Variants in HERC2 observed in about 807,000 individuals in gnomAD.
HERC2 encodes E3 ubiquitin-protein ligase HERC2.
Under a neutral mutation model 537.7 loss-of-function variants are expected in HERC2, and 102 were observed. That is an observed-to-expected ratio of 0.19 (90% CI 0.16 to 0.22). The LOEUF is 0.22. Among genes scored for constraint, HERC2 ranks in the 10% least tolerant of loss-of-function variants. The pLI is 1.00. For missense variants in HERC2, 4,236 were observed against 6,198.2 expected, an observed-to-expected ratio of 0.68 and a Z score of 10.63; for synonymous variants, 2,224 against 2,466.2, an observed-to-expected ratio of 0.90 and a Z score of 2.91.
chr15:28,186,743 A>G lies in HERC2; in HGVS notation c.8659T>C (p.Tyr2887His). ...CACTGCTTTATAGCAATTTCAATAT[A>G]CCTGTGATACTAGACACAAAAACCA... The part of the protein sequence containing the change: ...LLNDCTEYHR[Y>H]IEIAIKQCRS... Residue 2887 changes from tyrosine (Y) to histidine (H), a missense_variant, in exon 56 of 93, where the codon TAT (tyrosine) becomes CAT (histidine). By Grantham distance (83) the Tyr-to-His change is moderately conservative. This residue lies in a region of HERC2 where 606 missense variants were observed against 884.5 expected (regional missense o/e 0.69). Transcript: ENST00000261609. 1 of 1,612,340 alleles carries G rather than the reference A, an allele frequency of 6.2e-7. No individual in the cohort carries two copies. Among genetic ancestry groups the G allele is most frequent in the Non-Finnish European group, 8.5e-7 (1 of 1,178,516 alleles).
At chr15:28,132,316 A>T in intron 80 of HERC2, 55 bp from the exon 81 acceptor site, 1 of 1,504,844 alleles carries the variant, frequency 6.6e-7, no homozygotes, top group Non-Finnish European at 9.0e-7. Context: ...GGCTTGCCAC[A>T]GGACTGGCTT....
intron 70 of HERC2, among the ~76,000 whole-genome samples, chr15:28,147,464 A>C (rs1268202174): frequency 6.7e-6 from 1 of 150,272 alleles, no homozygotes; most frequent in Non-Finnish European, 1.5e-5. Flanking sequence ...ATTTTATTAT[A>C]TATTATATAT....
chr15:28,273,255 A>C (rs1236063891), intron 7 of HERC2: 2 of 542,662 alleles, frequency 3.7e-6, no homozygotes, highest in Admixed American at 3.3e-5. Context: ...TACTCCATGT[A>C]TATGAAGCAT....
chr15:28,246,071 A>G lies in HERC2; in HGVS notation c.3392-5T>C, dbSNP rs758547189. The G allele has an allele frequency of 4.1e-5, 63 of 1,554,866 alleles. No individual in the cohort carries two copies. Among genetic ancestry groups the G allele is most frequent in the Non-Finnish European group, 5.1e-5 (58 of 1,139,110 alleles). ...CTAGTTCTGGAAGGAGAACACCTAC[A>G]TTTAAGAAATAATAAGATTTAAATA... On this transcript the variant is annotated splice_region_variant and splice_polypyrimidine_tract_variant and intron_variant, in intron 22 of 92. Coordinates refer to ENST00000261609, the MANE Select transcript of HERC2 (RefSeq NM_004667.6).
intron 4 of HERC2, among the ~76,000 whole-genome samples, chr15:28,282,146 C>A (rs58138907): frequency 0.019 from 2,955 of 152,242 alleles, 95 homozygotes; most frequent in African/African-American, 0.067. Context: ...AAGTGGGAAG[C>A]CTGGACTTCG....
chr15:28,270,990 C>T (rs2075711146), intron 9 of HERC2, 122 bp from the exon 10 acceptor site: 7 of 746,294 alleles, frequency 9.4e-6, no homozygotes. Flanking sequence ...ATGACAATGT[C>T]AATGATACAG....
intron 16 of HERC2, among the ~76,000 whole-genome samples, chr15:28,259,275 T>C (rs2075353448): frequency 6.6e-6 from 1 of 151,934 alleles, no homozygotes; most frequent in Non-Finnish European, 1.5e-5. Flanking sequence ...TTTGTATTTT[T>C]AGTAGAAACA....
In HERC2 at chr15:28,268,384, C is replaced by T. The variant is rs1165442934; in HGVS notation, c.1598+81G>A. 7.4e-7 allele frequency: 1 copy of T among 1,357,000 alleles called. No homozygotes were observed. The highest frequency in any genetic ancestry group is 1.0e-6 in the Non-Finnish European group (1 of 974,738). 84.1% of individuals were successfully genotyped at this position (1,357,000 alleles called of 1,614,324 possible). On this transcript the variant is annotated intron_variant, in intron 12 of 92. Coordinates refer to ENST00000261609, the MANE Select transcript of HERC2 (RefSeq NM_004667.6). This position sits in a 1 kb window ranked among gnomAD's most constrained non-coding sequence, Gnocchi z 4.7. ...TCAGGGCAATTGGAAAACACCTGGACACACTTCTGCGCTCCATCCTGTTTA... is the reference window on the plus strand; with the variant it reads ...TCAGGGCAATTGGAAAACACCTGGATACACTTCTGCGCTCCATCCTGTTTA...
At chr15:28,201,616 G>C (rs1206001123) in intron 47 of HERC2, 62 bp from the exon 48 acceptor site, 3 of 1,003,228 alleles carry the variant, frequency 3.0e-6, no homozygotes, top group African/African-American at 3.2e-5. Context: ...TACTCAAAAA[G>C]AAATAAGTCT....
intron 70 of HERC2, 48 bp downstream of exon 70, chr15:28,152,629 C>T (rs1471942021): frequency 6.1e-6 from 9 of 1,466,426 alleles, no homozygotes; most frequent in South Asian, 2.7e-5. Context: ...TCACATCATT[C>T]TGAAGGTGGG....
intron 74 of HERC2, 85 bp from the exon 75 acceptor site, chr15:28,143,037 T>C: frequency 7.3e-7 from 1 of 1,369,110 alleles, no homozygotes; most frequent in South Asian, 1.3e-5. Context: ...AAATGTTTTA[T>C]TATGTTGGTA....
intron 78 of HERC2, 52 bp from the exon 79 acceptor site, chr15:28,135,744 TA>T (rs1202185003): frequency 7.8e-7 from 1 of 1,283,680 alleles, no homozygotes; most frequent in Non-Finnish European, 1.1e-6. Flanking sequence ...CAATATCCCC[TA>T]AATTTACTAA....
intron 56 of HERC2, among the ~76,000 whole-genome samples, chr15:28,183,450 T>A (rs1566980876): frequency 6.6e-6 from 1 of 152,154 alleles, no homozygotes; most frequent in African/African-American, 2.4e-5. Context: ...TGGGCTCAAG[T>A]GATCCTCCCT....
chr15:28,176,346 G>T lies in HERC2; in HGVS notation c.9686+82C>A, dbSNP rs565981795. On this transcript the variant is annotated intron_variant, in intron 63 of 92. Coordinates refer to ENST00000261609, the MANE Select transcript of HERC2 (RefSeq NM_004667.6). This position sits in a 1 kb window ranked among gnomAD's most constrained non-coding sequence, Gnocchi z 5.0. ...AAAGAGGACACGTCACAATCACGCC[G>T]GGTGAGCCTGGGGCGAGGCCCAGGT... The T allele has an allele frequency of 7.6e-6, 10 of 1,307,548 alleles. No individual in the cohort carries two copies. Among genetic ancestry groups the T allele is most frequent in the African/African-American group, 4.4e-5 (3 of 68,608 alleles). The allele number at this position is 1,307,548 out of a possible 1,614,324, so 81.0% of individuals were successfully genotyped here.
intron 30 of HERC2, among the ~76,000 whole-genome samples, chr15:28,232,551 GAA>G (rs58995112): frequency 2.6e-5 from 3 of 115,146 alleles, no homozygotes; most frequent in African/African-American, 3.0e-5. Flanking sequence ...CCATCTCAAA[GAA>G]AAAAAAAAAA....
chr15:28,293,527 A>G (rs897686916), intron 3 of HERC2, among the ~76,000 whole-genome samples: 13 of 151,800 alleles, frequency 8.6e-5, no homozygotes, highest in African/African-American at 3.1e-4. Context: ...CAATATAACA[A>G]ATTATTTAAA....
At chr15:28,112,974 C>A in intron 92 of HERC2, 97 bp downstream of exon 92, 2 of 909,428 alleles carry the variant, frequency 2.2e-6, no homozygotes, top group Admixed American at 2.5e-5. Flanking sequence ...ACTCAAGAGG[C>A]TCGTTTTCCA....
At chr15:28,124,806 T>G (rs960459983) in intron 84 of HERC2, among the ~76,000 whole-genome samples, 200 bp downstream of exon 84, 1 of 152,216 alleles carries the variant, frequency 6.6e-6, no homozygotes, top group Non-Finnish European at 1.5e-5. Flanking sequence ...CACCTTGGCC[T>G]CCCAAAGTGT....
chr15:28,135,624 T>C lies in HERC2; in HGVS notation c.12084A>G (p.Pro4028=). Residue 4028 remains proline (P), a synonymous_variant, in exon 79 of 93, where the codon CCA becomes CCG. Transcript: ENST00000261609. ...GIGGTESVST[P]TLLESIQHVF... is the part of the protein sequence containing the mutation. ...CATGCTGAATGGATTCAAGCAATGT[T>C]GGGGTGGACACCGACTCTGTCCCTC... The C allele has an allele frequency of 6.2e-7, 1 of 1,614,158 alleles. No homozygotes were observed. Among genetic ancestry groups the C allele is most frequent in the East Asian group, 2.2e-5 (1 of 44,888 alleles).
Sources: gnomAD v4.1 joint callset for allele counts (sites outside exome capture counted in the v4.1 genomes callset) on GRCh38, gnomAD v4.1.1 for gene constraint, gnomAD v4.1.1 regional missense constraint, Gnocchi (gnomAD v3.1) non-coding constraint, MANE v1.5 for transcripts, NCBI Gene and HGNC (gene_info 2026-07-23, HGNC 2026-07-21) for gene names.